The following SLC35A5 variants were observed in gnomAD, a reference collection of about 807,000 sequenced individuals.
The protein encoded by SLC35A5 is UDP-sugar transporter protein SLC35A5.
In SLC35A5, 28 loss-of-function variants were observed where a neutral mutation model predicts 36.3. The observed-to-expected ratio is 0.77, with a 90% confidence interval of 0.57 to 1.06. SLC35A5 has a LOEUF of 1.06. Ranked by LOEUF, SLC35A5 falls within the 50% of genes least tolerant of loss-of-function variation. SLC35A5 has a pLI of 0.00. For synonymous variants in SLC35A5, 180 were observed against 173.7 expected (o/e 1.04, Z -0.29); for missense variants, 521 against 499.3 (o/e 1.04, Z -0.41).
intron 2 of SLC35A5, among the ~76,000 whole-genome samples, chr3:112,568,101 G>T (rs1212707843): frequency 6.6e-6 from 1 of 152,196 alleles, no homozygotes. Flanking sequence ...TTCTTGTAAG[G>T]ATCTTCCATT....
At chr3:112,569,335 A>G in intron 3 of SLC35A5, 66 bp downstream of exon 3, 1 of 1,210,274 alleles carries the variant, frequency 8.3e-7, no homozygotes, top group East Asian at 2.3e-5. Context: ...AACTGGAAGG[A>G]ACATTTTGTA....
intron 5 of SLC35A5, among the ~76,000 whole-genome samples, chr3:112,579,967 C>T (rs1934830103): frequency 6.6e-6 from 1 of 152,210 alleles, no homozygotes; most frequent in African/African-American, 2.4e-5. Context: ...TGAAATACTG[C>T]CCAAAATAAC....
upstream of SLC35A5, chr3:112,561,681 G>GGCGGGACGA (rs1359354421): frequency 1.1e-4 from 80 of 742,194 alleles, no homozygotes; most frequent in Non-Finnish European, 2.8e-5. Flanking sequence ...CGACGGGACG[G>GGCGGGACGA]GCGGGACGAG....
At chr3:112,577,192 A>G (rs1473110148) in intron 5 of SLC35A5, among the ~76,000 whole-genome samples, 1 of 152,170 alleles carries the variant, frequency 6.6e-6, no homozygotes, top group African/African-American at 2.4e-5. Flanking sequence ...ACTTGGAGGA[A>G]TTTGAAAGTG....
At chr3:112,578,151 C>T (rs1354819756) in intron 5 of SLC35A5, among the ~76,000 whole-genome samples, 1 of 151,942 alleles carries the variant, frequency 6.6e-6, no homozygotes, top group East Asian at 1.9e-4. Context: ...AACTAAAGCC[C>T]CCCCTTTGAG....
chr3:112,561,633 C>T (rs937270107), upstream of SLC35A5: 16 of 1,215,160 alleles, frequency 1.3e-5, no homozygotes, highest in Admixed American at 2.4e-4. Flanking sequence ...CTCGCATCAG[C>T]ACCCGGCTGG....
intron 3 of SLC35A5, 186 bp from the exon 4 acceptor site, chr3:112,570,354 A>G (rs1411904432): frequency 4.2e-6 from 2 of 479,560 alleles, no homozygotes; most frequent in Non-Finnish European, 7.2e-6. Flanking sequence ...TAGGATAACC[A>G]GTAGTCCTAA....
At position 112,569,802 on chromosome 3, in the gene SLC35A5, C is replaced by A. The variant is rs1218140137; in HGVS notation, c.229+533C>A. Among the ~76,000 whole-genome samples, 4 of 152,154 alleles carry A rather than the reference C, an allele frequency of 2.6e-5. No individual in the cohort carries two copies. In the East Asian group the frequency reaches 7.7e-4, roughly 29 times the overall value. The stretch of plus-strand genomic sequence containing the variant: ...ATATGCTGTTTAATATACATTAATT[C>A]TTCACCTTAGTTCCCCAATTATTGC... On this transcript the variant is annotated intron_variant, in intron 3 of 6. Coordinates refer to ENST00000492406, the MANE Select transcript of SLC35A5 (RefSeq NM_017945.5).
chr3:112,584,524 T>C lies in SLC35A5; in HGVS notation c.*1788T>C, dbSNP rs1202039247. 3 of 152,228 alleles carry C rather than the reference T, an allele frequency of 2.0e-5. No individual in the cohort carries two copies. Among genetic ancestry groups the C allele is most frequent in the Non-Finnish European group, 4.4e-5 (3 of 68,034 alleles). 9.4% of individuals were successfully genotyped at this position (152,228 alleles called of 1,614,324 possible). Reference sequence around the variant, plus strand: ...GGAGATTGATTTTCTTATTTACGATTACTTTTTTTCCTCACCTTCCTCTTT... The same window carrying C: ...GGAGATTGATTTTCTTATTTACGATCACTTTTTTTCCTCACCTTCCTCTTT... On this transcript the variant is annotated 3_prime_UTR_variant, in exon 7 of 7. Transcript: ENST00000492406.
chr3:112,570,487 C>T (rs1159427750), intron 3 of SLC35A5, 53 bp from the exon 4 acceptor site: 2 of 1,547,966 alleles, frequency 1.3e-6, no homozygotes, highest in Non-Finnish European at 1.7e-6. Flanking sequence ...TGTAATTTCT[C>T]TAAAAATGTG....
chr3:112,569,572 A>G (rs1484206819), intron 3 of SLC35A5, among the ~76,000 whole-genome samples: 3 of 152,224 alleles, frequency 2.0e-5, no homozygotes, highest in Non-Finnish European at 2.9e-5. Flanking sequence ...TATTCAAATT[A>G]AAGATTTTCT....
upstream of SLC35A5, chr3:112,561,422 G>T (rs2107399607): frequency 6.2e-7 from 1 of 1,606,756 alleles, no homozygotes. Context: ...TCGAGCATGT[G>T]CCTGACAGCT....
At chr3:112,580,099 C>G (rs542590695) in intron 5 of SLC35A5, among the ~76,000 whole-genome samples, 2 of 150,112 alleles carry the variant, frequency 1.3e-5, no homozygotes, top group South Asian at 2.1e-4. Context: ...AAAGATTTGA[C>G]AAAGCTTTGC....
At chr3:112,561,370 CGG>C, upstream of SLC35A5, 10 of 1,392,558 alleles carry the variant, frequency 7.2e-6, no homozygotes, top group Non-Finnish European at 9.1e-6. Context: ...CTTGCCCCGC[CGG>C]AGAAAGCGGG....
chr3:112,579,620 T>C (rs1934813420), intron 5 of SLC35A5, among the ~76,000 whole-genome samples: 1 of 152,162 alleles, frequency 6.6e-6, no homozygotes, highest in Admixed American at 6.5e-5. Flanking sequence ...TAATTTTTCA[T>C]CTTCTAGCTC....
In SLC35A5 at chr3:112,581,034, C is replaced by T. The variant is rs1449957192; in HGVS notation, c.917C>T (p.Ser306Leu). ...TTTTTTTATGGCCACAGTGCATTTT[C>T]AGTAGCCCTTATTTTTGTAACTGCA... ...CGFFYGHSAF[S>L]VALIFVTAFQ... is the part of the protein sequence containing the mutation. The change falls in exon 6 of 7, where the codon TCA becomes TTA. Residue 306 changes from serine to leucine, a missense_variant. Transcript: ENST00000492406. 2 of 1,614,064 alleles carry T rather than the reference C, an allele frequency of 1.2e-6. No homozygotes were observed. The highest frequency in any genetic ancestry group is 1.7e-6 in the Non-Finnish European group (2 of 1,179,960).
chr3:112,565,408 C>T (rs1934150789), intron 2 of SLC35A5, among the ~76,000 whole-genome samples: 1 of 152,154 alleles, frequency 6.6e-6, no homozygotes, highest in Non-Finnish European at 1.5e-5. Flanking sequence ...AGGCAACAGC[C>T]TGTAAAAGGG....
At position 112,582,756 on chromosome 3, in the gene SLC35A5, C is replaced by G; in HGVS notation, c.*20C>G. 6.3e-7 allele frequency: 1 copy of G among 1,592,372 alleles called. No individual in the cohort carries two copies. The highest frequency in any genetic ancestry group is 8.6e-7 in the Non-Finnish European group (1 of 1,161,548). ...TTCTAACTGGTACCCACATAGTTTG[C>G]AGCTCTCTTGAACCTTATTTTCACA... On this transcript the variant is annotated 3_prime_UTR_variant, in exon 7 of 7. Transcript: ENST00000492406.
chr3:112,575,189 A>G (rs1252031234), intron 5 of SLC35A5, among the ~76,000 whole-genome samples: 2 of 152,194 alleles, frequency 1.3e-5, no homozygotes, highest in African/African-American at 2.4e-5. Context: ...ATATTCCAAG[A>G]TGATAAAAGG....
Sources: allele counts gnomAD v4.1 joint callset (sites outside exome capture counted in the v4.1 genomes callset), GRCh38; gene constraint gnomAD v4.1.1; transcripts MANE v1.5; gene names NCBI Gene and HGNC (gene_info 2026-07-23, HGNC 2026-07-21).